The following GOLGA3 variants were observed in gnomAD, a reference collection of about 807,000 sequenced individuals.
GOLGA3 encodes the protein golgin A3.
In GOLGA3, 75 loss-of-function variants were observed where a neutral mutation model predicts 169.4. The ratio of observed to expected loss-of-function variants is 0.44; its 90% confidence interval spans 0.37 to 0.54. GOLGA3 has a LOEUF of 0.54. Among genes scored for constraint, GOLGA3 ranks in the 20% least tolerant of loss-of-function variants. GOLGA3 has a pLI of 0.00. For synonymous variants in GOLGA3, 824 were observed against 822.4 expected (o/e 1.00, Z -0.03); for missense variants, 1,899 against 1,930.0 (o/e 0.98, Z 0.30).
intron 9 of GOLGA3, among the ~76,000 whole-genome samples, chr12:132,798,101 T>G (rs756305716): frequency 8.1e-6 from 1 of 123,128 alleles, no homozygotes; most frequent in South Asian, 2.5e-4. Flanking sequence ...GGATGAGGGG[T>G]GGGGGGGGTC....
At chr12:132,798,274 A>T in intron 9 of GOLGA3, 66 bp downstream of exon 9, 1 of 1,448,948 alleles carries the variant, frequency 6.9e-7, no homozygotes, top group Non-Finnish European at 9.4e-7. Context: ...CATGTAAGAA[A>T]ACACACATGG....
chr12:132,791,296 G>T lies in GOLGA3; in HGVS notation c.2470-3C>A. The T allele has an allele frequency of 6.3e-7, 1 of 1,582,890 alleles. No individual in the cohort carries two copies. On this transcript the variant is annotated splice_region_variant and splice_polypyrimidine_tract_variant and intron_variant, in intron 11 of 23. Transcript: ENST00000450791. ...GTCTCCTGCTGCAGGTGTTCCACCT[G>T]TGGGAGACATGTGCACAGACATTAC...
chr12:132,799,957 T>C (rs1593311730), intron 8 of GOLGA3, among the ~76,000 whole-genome samples: 1 of 152,126 alleles, frequency 6.6e-6, no homozygotes, highest in South Asian at 2.1e-4. Context: ...GCCAGGCTGG[T>C]CTTGAACTCC....
chr12:132,806,290 C>T (rs1053889372), intron 6 of GOLGA3, among the ~76,000 whole-genome samples: 2 of 152,186 alleles, frequency 1.3e-5, no homozygotes, highest in African/African-American at 4.8e-5. Flanking sequence ...AGCAAGCCAC[C>T]GTTCGAGAGA....
chr12:132,780,699 A>G, intron 18 of GOLGA3, 99 bp downstream of exon 18: 1 of 771,274 alleles, frequency 1.3e-6, no homozygotes, highest in Non-Finnish European at 2.3e-6. Context: ...TGCTCTGTGT[A>G]ACTGCTGGAA....
chr12:132,775,134 T>C lies in GOLGA3; in HGVS notation c.4143+7A>G. ...GGCTACCCCGGGAGGGACGCGGGCC[T>C]GAGTACCGTCTTGGCCGCGCCGCGG... On this transcript the variant is annotated splice_region_variant and intron_variant, in intron 22 of 23. Transcript: ENST00000450791. 2 of 1,611,800 alleles carry C rather than the reference T, an allele frequency of 1.2e-6. No homozygotes were observed. Among genetic ancestry groups the C allele is most frequent in the Non-Finnish European group, 1.7e-6 (2 of 1,179,650 alleles).
chr12:132,825,949 G>C (rs1227238035), intron 1 of GOLGA3: 1 of 951,242 alleles, frequency 1.1e-6, no homozygotes, highest in Non-Finnish European at 1.7e-6. Flanking sequence ...TGAAGACGCA[G>C]AGGACCACTG....
Position 132,781,505 on chromosome 12 carries a change from G to A in GOLGA3, c.3466-591C>T, listed in dbSNP as rs573111412. Among the ~76,000 whole-genome samples the A allele has an allele frequency of 6.2e-4, 95 of 152,288 alleles. 1 individual carries two copies. Among genetic ancestry groups the A allele is most frequent in the Admixed American group, 3.9e-4 (6 of 15,298 alleles). ...ACCCGGGAGGCAGGGAGCCGCGATC[G>A]TGCCACTGCACTCCAGCCTGAGAGA... On this transcript the variant is annotated intron_variant, in intron 17 of 23. Transcript: ENST00000450791.
chr12:132,813,495 A>G, intron 3 of GOLGA3, 76 bp from the exon 4 acceptor site: 1 of 770,686 alleles, frequency 1.3e-6, no homozygotes, highest in South Asian at 1.7e-5. Context: ...GAACTTGGTC[A>G]TTTTGTACTT....
intron 15 of GOLGA3, among the ~76,000 whole-genome samples, chr12:132,785,823 G>GGGCCACGGCCTCCACGGAA (rs2045868863): frequency 1.3e-5 from 2 of 152,236 alleles, no homozygotes; most frequent in Non-Finnish European, 2.9e-5. Flanking sequence ...AGAGCACGGA[G>GGGCCACGGCCTCCACGGAA]GGCCACGGCC....
At chr12:132,783,878 T>G in intron 16 of GOLGA3, 2 of 1,422,638 alleles carry the variant, frequency 1.4e-6, no homozygotes, top group Non-Finnish European at 9.1e-7. Context: ...CCTGGCGAAG[T>G]TGGGTTTCTT....
chr12:132,782,565 G>A, intron 16 of GOLGA3, 72 bp from the exon 17 acceptor site: 1 of 1,247,038 alleles, frequency 8.0e-7, no homozygotes, highest in East Asian at 2.3e-5. Context: ...AGAAACAGGT[G>A]AGTTTTCAAC....
intron 1 of GOLGA3, among the ~76,000 whole-genome samples, chr12:132,828,163 C>T (rs1349420499): frequency 1.3e-5 from 2 of 152,172 alleles, no homozygotes; most frequent in Admixed American, 1.3e-4. Context: ...GTCGCCCGCC[C>T]CCCAGGCTCC....
intron 2 of GOLGA3, among the ~76,000 whole-genome samples, chr12:132,818,378 G>C (rs1326187466): frequency 6.6e-6 from 1 of 152,196 alleles, no homozygotes; most frequent in African/African-American, 2.4e-5. Context: ...TCCTGCTTCA[G>C]CCTCCCCAGT....
At chr12:132,784,053 A>AC (rs2045761612) in intron 16 of GOLGA3, 111 bp downstream of exon 16, 5 of 1,547,758 alleles carry the variant, frequency 3.2e-6, no homozygotes. Flanking sequence ...CAAAAGTAGC[A>AC]ACGCTGGGCA....
At position 132,801,657 on chromosome 12, in the gene GOLGA3, AAC is replaced by A. The variant is rs1491542401; in HGVS notation, c.1800+108_1800+109del. On this transcript the variant is annotated intron_variant, in intron 8 of 23. Transcript: ENST00000450791. ...GGGGTGGGCTGGACAGCAGGTTAAA[AAC>A]AAAAACATGCCTGTGAACTCTAAAA... 1.7e-3 allele frequency: 1,789 copies of A among 1,053,414 alleles called. 12 individuals carry two copies. Among genetic ancestry groups the A allele is most frequent in the Admixed American group, 2.7e-3 (128 of 46,892 alleles). 65.3% of individuals were successfully genotyped at this position (1,053,414 alleles called of 1,614,324 possible). A position where few individuals can be genotyped will look rare whatever the true frequency, so the allele number is the denominator to read the frequency against.
At chr12:132,795,185 CAAAA>C (rs56353207) in intron 11 of GOLGA3, among the ~76,000 whole-genome samples, 3 of 127,818 alleles carry the variant, frequency 2.3e-5, no homozygotes, top group Admixed American at 1.6e-4. Flanking sequence ...GACTCCATCT[CAAAA>C]AAAAAAAAAA....
intron 4 of GOLGA3, among the ~76,000 whole-genome samples, chr12:132,811,615 C>T (rs1402415351): frequency 6.6e-6 from 1 of 151,906 alleles, no homozygotes; most frequent in African/African-American, 2.4e-5. Context: ...GGTGTGCCAT[C>T]ACATCCGGCT....
Position 132,782,355 on chromosome 12 carries a change from T to C in GOLGA3, c.3406A>G (p.Ser1136Gly). ...QSNAALREHN[S>G]ILETALAKRE... ...TTGGCCAAAGCTGTTTCTAGGATGC[T>C]GTTGTGTTCCCGCAGAGCTGCGTTG... The change falls in exon 17 of 24, where the codon AGC (serine) becomes GGC (glycine). Residue 1136 changes from serine to glycine, a missense_variant. Transcript: ENST00000450791. The C allele has an allele frequency of 6.2e-7, 1 of 1,614,264 alleles. No individual in the cohort carries two copies. The highest frequency in any genetic ancestry group is 8.5e-7 in the Non-Finnish European group (1 of 1,180,040).
Sources: gnomAD v4.1 joint callset for allele counts (sites outside exome capture counted in the v4.1 genomes callset) on GRCh38, gnomAD v4.1.1 for gene constraint, MANE v1.5 for transcripts, NCBI Gene and HGNC (gene_info 2026-07-23, HGNC 2026-07-21) for gene names.